Variants in PPP1R16B observed in about 807,000 individuals in gnomAD.
PPP1R16B encodes the protein protein phosphatase 1 regulatory subunit 16B.
A neutral mutation model predicts 61.7 loss-of-function variants in PPP1R16B; 14 were observed. That is an observed-to-expected ratio of 0.23 (90% CI 0.15 to 0.35). PPP1R16B has a LOEUF of 0.35. Ranked by LOEUF, PPP1R16B falls within the 10% of genes least tolerant of loss-of-function variation. The pLI is 1.00. For missense variants in PPP1R16B, 547 were observed against 752.5 expected (o/e 0.73, Z 3.19); for synonymous variants, 266 against 305.3 (o/e 0.87, Z 1.34).
intron 1 of PPP1R16B, among the ~76,000 whole-genome samples, chr20:38,814,651 A>C (rs887418804): frequency 2.6e-5 from 4 of 152,160 alleles, no homozygotes; most frequent in Non-Finnish European, 4.4e-5. Context: ...GCACTGTGTC[A>C]TTATGTCCCC....
chr20:38,899,037 G>T (rs1474132411), intron 4 of PPP1R16B, among the ~76,000 whole-genome samples: 2 of 152,186 alleles, frequency 1.3e-5, no homozygotes, highest in Non-Finnish European at 2.9e-5. Context: ...GATCATCTGA[G>T]GGCAAGGAGT....
At chr20:38,839,187 CA>C (rs1168577443) in intron 2 of PPP1R16B, among the ~76,000 whole-genome samples, 1 of 152,146 alleles carries the variant, frequency 6.6e-6, no homozygotes, top group Non-Finnish European at 1.5e-5. Flanking sequence ...CCTTGGCCTC[CA>C]AAAGTGCTGG....
intron 1 of PPP1R16B, among the ~76,000 whole-genome samples, chr20:38,830,297 TA>T (rs950980669): frequency 2.0e-5 from 3 of 152,240 alleles, no homozygotes; most frequent in African/African-American, 7.2e-5. Flanking sequence ...GCCACCTAAA[TA>T]TTTGTCAAAC....
chr20:38,880,782 G>A (rs1215164940), intron 2 of PPP1R16B, among the ~76,000 whole-genome samples: 1 of 152,224 alleles, frequency 6.6e-6, no homozygotes, highest in South Asian at 2.1e-4. Context: ...ACATTCATAT[G>A]CAAAGTTCTG....
intron 2 of PPP1R16B, among the ~76,000 whole-genome samples, chr20:38,837,548 CTT>C (rs1215319279): frequency 8.5e-6 from 1 of 117,520 alleles, no homozygotes. Context: ...TTTTTTTTTT[CTT>C]TTTTTTTTTG....
chr20:38,807,558 G>A (rs2084670828), intron 1 of PPP1R16B, among the ~76,000 whole-genome samples: 1 of 152,106 alleles, frequency 6.6e-6, no homozygotes. Flanking sequence ...GCAGGAGGCC[G>A]GTGGGGGCCA....
rs1361022239 is a variant in PPP1R16B, at chr20:38,918,365, C to T, written c.1403C>T (p.Pro468Leu). 1 of 1,614,132 alleles carries T rather than the reference C, an allele frequency of 6.2e-7. No homozygotes were observed. Among genetic ancestry groups the T allele is most frequent in the South Asian group, 1.1e-5 (1 of 91,082 alleles). The change falls in exon 11 of 11, where the codon CCC (proline) becomes CTC (leucine). Residue 468 changes from proline (P) to leucine (L), a missense_variant. By Grantham distance (98) the Pro-to-Leu change is moderately conservative. Transcript: ENST00000299824. The surrounding 1 kb of genome is among the most constrained non-coding windows in gnomAD (Gnocchi z 5.3). ...GNPGVADATPPWSSYKEQSPQ... is the reference protein window; with the variant it reads ...GNPGVADATPLWSSYKEQSPQ... ...CCTGGCGTGGCCGACGCCACCCCGC[C>T]CTGGAGCAGCTACAAGGAACAGAGC...
chr20:38,829,235 T>G (rs2084821854), intron 1 of PPP1R16B, among the ~76,000 whole-genome samples: 1 of 152,228 alleles, frequency 6.6e-6, no homozygotes, highest in Non-Finnish European at 1.5e-5. Flanking sequence ...GCCTCAGACT[T>G]CCTGCTGGCC....
chr20:38,897,242 G>A (rs1455211096), intron 4 of PPP1R16B, among the ~76,000 whole-genome samples: 1 of 152,298 alleles, frequency 6.6e-6, no homozygotes, highest in Non-Finnish European at 1.5e-5. Context: ...CAGGAGAATC[G>A]CTCGAACCCA....
chr20:38,810,290 C>A (rs946457688), intron 1 of PPP1R16B, among the ~76,000 whole-genome samples: 1 of 152,216 alleles, frequency 6.6e-6, no homozygotes. Context: ...TTGATGGAGG[C>A]AGAAGCAAGG....
At chr20:38,834,019 ACTC>A (rs1212608237) in intron 1 of PPP1R16B, among the ~76,000 whole-genome samples, 1 of 151,714 alleles carries the variant, frequency 6.6e-6, no homozygotes, top group Non-Finnish European at 1.5e-5. Flanking sequence ...ACAGATGTAG[ACTC>A]CTGCCATTCT....
chr20:38,893,938 A>C (rs1043905956), intron 3 of PPP1R16B, among the ~76,000 whole-genome samples: 3 of 152,046 alleles, frequency 2.0e-5, no homozygotes, highest in Non-Finnish European at 4.4e-5. Context: ...GAAGGCCTGG[A>C]GATGCTCACC....
At position 38,905,977 on chromosome 20, in the gene PPP1R16B, A is replaced by C; in HGVS notation, c.705A>C (p.Ile235=). The C allele has an allele frequency of 6.2e-7, 1 of 1,613,126 alleles. No individual in the cohort carries two copies. The highest frequency in any genetic ancestry group is 1.7e-5 in the Admixed American group (1 of 59,990). The change falls in exon 7 of 11, where the codon ATA becomes ATC. Residue 235 remains isoleucine (I), a synonymous_variant. Coordinates refer to ENST00000299824, the MANE Select transcript of PPP1R16B (RefSeq NM_015568.4). ...TCTTTCCTCTCCTCCAGCTGCACATAGCTGGAGCCAATGGATACCTGCGGG... is the reference window on the plus strand; with the variant it reads ...TCTTTCCTCTCCTCCAGCTGCACATCGCTGGAGCCAATGGATACCTGCGGG... ...IDAQGATLLH[I]AGANGYLRAA...
chr20:38,845,910 T>C (rs1346654839), intron 2 of PPP1R16B, among the ~76,000 whole-genome samples: 1 of 152,176 alleles, frequency 6.6e-6, no homozygotes, highest in African/African-American at 2.4e-5. Context: ...GGGAGGCTCA[T>C]GAGAAGCCCT....
chr20:38,892,557 G>A (rs1425526996), intron 3 of PPP1R16B, among the ~76,000 whole-genome samples: 1 of 152,050 alleles, frequency 6.6e-6, no homozygotes, highest in Non-Finnish European at 1.5e-5. Flanking sequence ...GCTGTCTTCT[G>A]GGAACAGGGC....
intron 2 of PPP1R16B, among the ~76,000 whole-genome samples, chr20:38,877,312 CTT>C (rs542109425): frequency 6.9e-5 from 10 of 145,384 alleles, no homozygotes; most frequent in Admixed American, 1.4e-4. Flanking sequence ...TATATACTAA[CTT>C]TTTTTTTTTT....
At chr20:38,849,683 AAC>A (rs200066549) in intron 2 of PPP1R16B, among the ~76,000 whole-genome samples, 2,338 of 56,644 alleles carry the variant, frequency 0.041, 23 homozygotes, top group African/African-American at 0.072. Context: ...CAACAACAAC[AAC>A]AAAAAAAAAA....
chr20:38,870,492 G>C (rs1167234363), intron 2 of PPP1R16B, among the ~76,000 whole-genome samples: 1 of 152,176 alleles, frequency 6.6e-6, no homozygotes, highest in Non-Finnish European at 1.5e-5. Context: ...ACACTTAAGA[G>C]ACCTGAAGGA....
intron 2 of PPP1R16B, among the ~76,000 whole-genome samples, chr20:38,879,525 G>A (rs1437012572): frequency 1.3e-5 from 2 of 152,080 alleles, no homozygotes; most frequent in African/African-American, 2.4e-5. Context: ...AGTTTTCTGG[G>A]TATCTTTAGT....
Sources: allele counts gnomAD v4.1 joint callset (sites outside exome capture counted in the v4.1 genomes callset), GRCh38; gene constraint gnomAD v4.1.1; non-coding constraint Gnocchi (gnomAD v3.1); transcripts MANE v1.5; gene names NCBI Gene and HGNC (gene_info 2026-07-23, HGNC 2026-07-21).